The following BET1 variants were observed in gnomAD, a reference collection of about 807,000 sequenced individuals.
BET1 encodes BET1 homolog.
In BET1, 9 loss-of-function variants were observed where a neutral mutation model predicts 13.9. The ratio of observed to expected loss-of-function variants is 0.65; its 90% confidence interval spans 0.39 to 1.13. BET1 has a LOEUF of 1.13. BET1 is among the 50% of genes most tolerant of loss of function. BET1 has a pLI of 0.01. For synonymous variants in BET1, 39 were observed against 47.3 expected, an observed-to-expected ratio of 0.82 and a Z score of 0.72; for missense variants, 127 against 133.6, an observed-to-expected ratio of 0.95 and a Z score of 0.24.
intron 2 of BET1, 139 bp from the exon 3 acceptor site, chr7:93,996,460 A>C (rs1795773973): frequency 1.8e-6 from 1 of 553,056 alleles, no homozygotes; most frequent in South Asian, 3.4e-5. Flanking sequence ...TTTTTCTGAT[A>C]CTTTTTCTAC....
intron 4 of BET1, among the ~76,000 whole-genome samples, chr7:93,987,908 G>A (rs1030422117): frequency 1.3e-5 from 2 of 152,056 alleles, no homozygotes; most frequent in East Asian, 1.9e-4. Context: ...TTAAAGTAGC[G>A]AAAATCATAA....
chr7:93,992,733 G>A (rs563178696), downstream of BET1: 29 of 943,154 alleles, frequency 3.1e-5, 1 homozygote, highest in South Asian at 1.1e-3. Flanking sequence ...AGTGATTATC[G>A]CATACCAGGC....
At chr7:93,991,741 A>G (rs1463730322), downstream of BET1, 1 of 918,398 alleles carries the variant, frequency 1.1e-6, no homozygotes, top group Non-Finnish European at 1.3e-6. Flanking sequence ...GTAACTTCAT[A>G]GCCTTTGGTC....
At chr7:93,994,984 C>T (rs912867592) in intron 3 of BET1, among the ~76,000 whole-genome samples, 1 of 152,172 alleles carries the variant, frequency 6.6e-6, no homozygotes, top group Non-Finnish European at 1.5e-5. Flanking sequence ...GCTGGGACTA[C>T]AGGCGCACGC....
At position 93,993,258 on chromosome 7, in the gene BET1, T is replaced by C. The variant is rs1584141298; in HGVS notation, c.*972A>G. 1 of 949,990 alleles carries C rather than the reference T, an allele frequency of 1.1e-6. No individual in the cohort carries two copies. The highest frequency in any genetic ancestry group is 1.2e-4 in the East Asian group (1 of 8,648). The allele number at this position is 949,990 out of a possible 1,614,324, so 58.8% of individuals were successfully genotyped here. ...TTAAAGAAGTAACACAGTCGACTAA[T>C]ATATTTTATTTAAAAATTTACTTTT... On this transcript the variant is annotated 3_prime_UTR_variant, in exon 4 of 4. Transcript: ENST00000222547.
chr7:94,002,450 CTTT>C (rs1338686067), intron 1 of BET1, among the ~76,000 whole-genome samples: 4 of 97,212 alleles, frequency 4.1e-5, no homozygotes, highest in African/African-American at 2.1e-4. Context: ...CACAGAAGAG[CTTT>C]TTTTTAAAAA....
intron 4 of BET1, among the ~76,000 whole-genome samples, chr7:93,977,108 T>C (rs974614483): frequency 3.3e-5 from 5 of 152,086 alleles, no homozygotes; most frequent in Admixed American, 2.0e-4. Context: ...ATCTTCCTTG[T>C]TAGTCAGTCA....
chr7:93,984,957 C>A (rs571181075), intron 4 of BET1, among the ~76,000 whole-genome samples: 1 of 152,256 alleles, frequency 6.6e-6, no homozygotes, highest in African/African-American at 2.4e-5. Flanking sequence ...AATTCAGAAG[C>A]TAGGAGATTA....
chr7:93,995,279 T>C (rs1472913640), intron 3 of BET1, among the ~76,000 whole-genome samples: 2 of 152,142 alleles, frequency 1.3e-5, no homozygotes, highest in Admixed American at 6.5e-5. Context: ...AAAACTAACG[T>C]ATTAAAACAT....
chr7:93,990,720 A>T (rs1795616609), downstream of BET1, among the ~76,000 whole-genome samples: 2 of 152,258 alleles, frequency 1.3e-5, no homozygotes, highest in Admixed American at 1.3e-4. Context: ...GACTTTGTAG[A>T]ATACTTATAT....
exon 7 of BET1, chr7:93,963,342 G>A (rs1795127076): frequency 6.6e-6 from 1 of 151,920 alleles, no homozygotes; most frequent in Admixed American, 6.6e-5. Flanking sequence ...AGCAGTATGA[G>A]AAGAAAACTA....
At chr7:93,995,599 A>G (rs1795748980) in intron 3 of BET1, among the ~76,000 whole-genome samples, 1 of 152,250 alleles carries the variant, frequency 6.6e-6, no homozygotes, top group East Asian at 1.9e-4. Flanking sequence ...AGACAGAATC[A>G]GGCATATACA....
chr7:94,003,561 C>T (rs1380634251), intron 1 of BET1, among the ~76,000 whole-genome samples: 1 of 152,102 alleles, frequency 6.6e-6, no homozygotes, highest in Non-Finnish European at 1.5e-5. Context: ...TTGTGTCTAA[C>T]TTATTCTTGC....
chr7:93,971,588 G>C (rs1022863654), intron 6 of BET1, among the ~76,000 whole-genome samples: 2 of 151,650 alleles, frequency 1.3e-5, no homozygotes, highest in Non-Finnish European at 3.0e-5. Flanking sequence ...AGTCCTCTTA[G>C]GTGTCAGTAG....
chr7:93,974,572 A>G (rs1301146269), intron 5 of BET1, among the ~76,000 whole-genome samples: 1 of 152,048 alleles, frequency 6.6e-6, no homozygotes, highest in African/African-American at 2.4e-5. Flanking sequence ...ATGTAATTGG[A>G]TTATAATCCA....
At chr7:93,991,602 CTA>C (rs1795636082), downstream of BET1, 1 of 163,636 alleles carries the variant, frequency 6.1e-6, no homozygotes, top group African/African-American at 2.4e-5. Flanking sequence ...TCCTATCAGC[CTA>C]TGAGTATATT....
chr7:93,973,647 C>T (rs1057498608), intron 5 of BET1, among the ~76,000 whole-genome samples: 9 of 151,956 alleles, frequency 5.9e-5, no homozygotes, highest in African/African-American at 2.2e-4. Context: ...CACAGAAAGA[C>T]AGATAAGAGA....
exon 7 of BET1, chr7:93,963,408 G>A (rs1795128384): frequency 1.3e-5 from 2 of 151,948 alleles, no homozygotes; most frequent in Admixed American, 6.6e-5. Context: ...CAGTATACAT[G>A]CATGCTGAAT....
chr7:93,992,452 TTCTTTGGC>T (rs1425269921), downstream of BET1: 12 of 985,288 alleles, frequency 1.2e-5, no homozygotes, highest in East Asian at 9.1e-4. Flanking sequence ...TTAAGTCATT[TTCTTTGGC>T]CTTCTGCTCT....
Sources: gnomAD v4.1 joint callset for allele counts (sites outside exome capture counted in the v4.1 genomes callset) on GRCh38, gnomAD v4.1.1 for gene constraint, MANE v1.5 for transcripts, NCBI Gene and HGNC (gene_info 2026-07-23, HGNC 2026-07-21) for gene names.